The following HSPA4 variants were observed in gnomAD, a reference collection of about 807,000 sequenced individuals.
The protein encoded by HSPA4 is heat shock protein family A (Hsp70) member 4.
HSPA4 carries 25 observed loss-of-function variants against 106.2 expected under a neutral mutation model. The ratio of observed to expected loss-of-function variants is 0.24; its 90% CI spans 0.17 to 0.33. HSPA4 has a LOEUF of 0.33. Ranked by LOEUF, HSPA4 falls within the 10% of genes least tolerant of loss-of-function variation. The probability of loss-of-function intolerance (pLI) is 1.00; values close to 1 mark genes in which losing one functional copy is unlikely to be tolerated. For missense variants in HSPA4, 841 were observed against 996.0 expected, an observed-to-expected ratio of 0.84 and a Z score of 2.10; for synonymous variants, 332 against 333.6, an observed-to-expected ratio of 1.00 and a Z score of 0.05.
rs375669138 is a variant in HSPA4 at position 133,065,022 on chromosome 5, A to G, written c.150A>G (p.Ala50=). Residue 50 remains alanine (A), a synonymous_variant, in exon 2 of 19, where the codon GCA becomes GCG. Coordinates refer to ENST00000304858, the MANE Select transcript of HSPA4 (RefSeq NM_002154.4). ...GTCCTAAGAATCGTTCAATTGGAGC[A>G]GCAGCTAAAAGCCAGGTAAAGTTTC... The part of the protein sequence containing the change: ...SFGPKNRSIG[A]AAKSQVISNA... The G allele has an allele frequency of 6.2e-7, 1 of 1,613,928 alleles. No homozygotes were observed. The highest frequency in any genetic ancestry group is 1.7e-5 in the Admixed American group (1 of 59,996).
intron 16 of HSPA4, among the ~76,000 whole-genome samples, chr5:133,101,024 G>A (rs866858390): frequency 2.0e-5 from 3 of 152,152 alleles, no homozygotes; most frequent in Middle Eastern, 6.8e-3. Flanking sequence ...AGACTGGTAT[G>A]GGTACTCCTG....
chr5:133,067,412 C>G lies in HSPA4; in HGVS notation c.166-5C>G. 1.2e-6 allele frequency: 2 copies of G among 1,604,476 alleles called. No individual in the cohort carries two copies. On this transcript the variant is annotated splice_polypyrimidine_tract_variant and splice_region_variant and intron_variant, in intron 2 of 18. Transcript: ENST00000304858. ...CTTTCCACTCTTTGATATTCTTTCT[C>G]TTAGGTAATTTCTAATGCAAAGAAC... is the stretch of plus-strand genomic sequence containing the variant.
chr5:133,053,319 G>T (rs1341344314), intron 1 of HSPA4, among the ~76,000 whole-genome samples: 1 of 140,650 alleles, frequency 7.1e-6, no homozygotes, highest in African/African-American at 2.6e-5. Context: ...GCCATTCAGG[G>T]TCTCTCTTCT....
At chr5:133,066,866 C>T (rs1765313572) in intron 2 of HSPA4, among the ~76,000 whole-genome samples, 1 of 151,838 alleles carries the variant, frequency 6.6e-6, no homozygotes, top group Admixed American at 6.6e-5. Context: ...AGGTGCGCAC[C>T]ACCATGCCTG....
intron 16 of HSPA4, among the ~76,000 whole-genome samples, chr5:133,100,209 G>A (rs188230008): frequency 1.2e-3 from 175 of 151,782 alleles, no homozygotes; most frequent in African/African-American, 3.8e-3. Flanking sequence ...GATTACAGGC[G>A]CGTGCCACCA....
chr5:133,073,114 A>G (rs1012293095), intron 4 of HSPA4, 116 bp from the exon 5 acceptor site: 4 of 617,416 alleles, frequency 6.5e-6, no homozygotes, highest in Admixed American at 3.2e-5. Context: ...CTAGTTTGAA[A>G]TATTTTCTTG....
chr5:133,092,696 T>C lies in HSPA4; in HGVS notation c.1561-4T>C, dbSNP rs772417379. 7 of 1,606,470 alleles carry C rather than the reference T, an allele frequency of 4.4e-6. No homozygotes were observed. The highest frequency in any genetic ancestry group is 2.7e-5 in the African/African-American group (2 of 74,658). ...TGCAGGATTTAATTTGACCTGTTTT[T>C]CAGAAGATGCAAGTGGACCAGGAGG... On this transcript the variant is annotated splice_region_variant and splice_polypyrimidine_tract_variant and intron_variant, in intron 12 of 18. Transcript: ENST00000304858.
At chr5:133,061,120 CTTTTCT>C (rs998985613) in intron 1 of HSPA4, among the ~76,000 whole-genome samples, 2 of 147,272 alleles carry the variant, frequency 1.4e-5, no homozygotes, top group African/African-American at 5.0e-5. Context: ...CATGTGTTTT[CTTTTCT>C]TTTTTTTTTT....
In HSPA4 at chr5:133,053,656, C is replaced by T. The variant is rs1333707581; in HGVS notation, c.107+1299C>T. 4.0e-5 allele frequency among the ~76,000 whole-genome samples: 6 copies of T among 150,832 alleles called. No individual in the cohort carries two copies. In the East Asian group the frequency reaches 9.8e-4, roughly 25 times the overall value. ...TGAACCACCGTGCCCTGCCCAGGGG[C>T]TCACTTGTTATTGATTGATTGAGAT... On this transcript the variant is annotated intron_variant, in intron 1 of 18. Coordinates refer to ENST00000304858, the MANE Select transcript of HSPA4 (RefSeq NM_002154.4).
In HSPA4 at chr5:133,091,320, G is replaced by A. The variant is rs767660078; in HGVS notation, c.1506G>A (p.Lys502=). ...GTGCATCTTTAGTGGAGGTTCACAAGTCTGAGGAAAATGAGGAGCCAATGG... is the reference window on the plus strand; with the variant it reads ...GTGCATCTTTAGTGGAGGTTCACAAATCTGAGGAAAATGAGGAGCCAATGG... The part of the protein sequence containing the change: ...VSSASLVEVH[K]SEENEEPMET... The change falls in exon 12 of 19, where the codon AAG becomes AAA. Residue 502 remains lysine (K), a synonymous_variant. Transcript: ENST00000304858. The A allele has an allele frequency of 1.9e-6, 3 of 1,614,084 alleles. No homozygotes were observed. Among genetic ancestry groups the A allele is most frequent in the Admixed American group, 3.3e-5 (2 of 60,010 alleles).
At chr5:133,098,594 A>G (rs1356089896) in intron 15 of HSPA4, among the ~76,000 whole-genome samples, 2 of 151,790 alleles carry the variant, frequency 1.3e-5, no homozygotes, top group South Asian at 4.2e-4. Context: ...GAGTGCTGGG[A>G]TTACAGGCGT....
rs56373873 is a variant in HSPA4, at chr5:133,106,141, GGTGTGT to G, written c.*1721_*1726del. ...TTTTTTTTTTTTTTTTTTTTTTTTT[GGTGTGT>G]GTGTGTGTGTGTGTGGGGAAGGGTG... On this transcript the variant is annotated 3_prime_UTR_variant, in exon 19 of 19. Coordinates refer to ENST00000304858, the MANE Select transcript of HSPA4 (RefSeq NM_002154.4). The G allele has an allele frequency of 3.9e-4, 21 of 53,596 alleles. 1 individual carries two copies. The East Asian group carries it at 4.3e-3, about 11-fold the overall frequency. The allele number at this position is 53,596 out of a possible 1,614,324, so 3.3% of individuals were successfully genotyped here.
chr5:133,053,073 T>C (rs1477317427), intron 1 of HSPA4: 1 of 152,264 alleles, frequency 6.6e-6, no homozygotes, highest in African/African-American at 2.4e-5. Flanking sequence ...GGTTGCACTT[T>C]AACGATAATG....
intron 1 of HSPA4, chr5:133,053,063 G>C (rs1468257922): frequency 6.6e-6 from 1 of 152,206 alleles, no homozygotes; most frequent in South Asian, 2.1e-4. Context: ...CCCTCAATAG[G>C]GTTGCACTTT....
intron 2 of HSPA4, among the ~76,000 whole-genome samples, chr5:133,067,021 AT>A (rs1765315968): frequency 6.6e-6 from 1 of 152,190 alleles, no homozygotes; most frequent in Non-Finnish European, 1.5e-5. Flanking sequence ...CTTAACTAGA[AT>A]TTCTAAATCA....
At chr5:133,093,964 A>G (rs1380643990) in intron 13 of HSPA4, among the ~76,000 whole-genome samples, 1 of 152,094 alleles carries the variant, frequency 6.6e-6, no homozygotes, top group Non-Finnish European at 1.5e-5. Context: ...GGGGTGGTAC[A>G]CGCTGGTAGC....
chr5:133,096,312 A>G (rs1245317671), intron 14 of HSPA4, 62 bp downstream of exon 14: 6 of 1,460,968 alleles, frequency 4.1e-6, no homozygotes, highest in Non-Finnish European at 5.7e-6. Context: ...TAGTATTCAG[A>G]CTCTGTGTCT....
Position 133,097,165 on chromosome 5 carries a change from A to T in HSPA4, c.1808A>T (p.Lys603Met), listed in dbSNP as rs1406441096. The stretch of plus-strand genomic sequence containing the variant: ...ATACATAATATTTATTCTCAGGGTA[A>T]GATGATCATGCAGGATAAACTGGAG... Reference protein sequence around the residue: ...MLNLYIENEGKMIMQDKLEKE... With the variant: ...MLNLYIENEGMMIMQDKLEKE... The change falls in exon 15 of 19, where the codon AAG becomes ATG. Residue 603 changes from lysine to methionine, a missense_variant. By Grantham distance (95) the Lys-to-Met change is moderately conservative (BLOSUM62 -1). Transcript: ENST00000304858. 1.2e-6 allele frequency: 2 copies of T among 1,609,048 alleles called. No homozygotes were observed. Among genetic ancestry groups the T allele is most frequent in the Non-Finnish European group, 1.7e-6 (2 of 1,175,772 alleles).
chr5:133,069,701 A>G (rs1561578305), intron 3 of HSPA4, among the ~76,000 whole-genome samples: 1 of 152,252 alleles, frequency 6.6e-6, no homozygotes, highest in East Asian at 1.9e-4. Context: ...TAAACACATT[A>G]AAATACACAT....
Sources: allele counts gnomAD v4.1 joint callset (sites outside exome capture counted in the v4.1 genomes callset), GRCh38; gene constraint gnomAD v4.1.1; transcripts MANE v1.5; gene names NCBI Gene and HGNC (gene_info 2026-07-23, HGNC 2026-07-21).